SERINC5: variants seen among roughly 807,000 people sequenced by gnomAD.
SERINC5 encodes the protein chromosome 5 open reading frame 12.
In SERINC5, 41 loss-of-function variants were observed where a neutral mutation model predicts 63.1. The observed-to-expected ratio is 0.65, with a 90% CI of 0.51 to 0.84. SERINC5 has a LOEUF of 0.84. Ranked by LOEUF, SERINC5 falls within the 40% of genes least tolerant of loss-of-function variation. The pLI, the probability that SERINC5 is intolerant of heterozygous loss-of-function variation, is 0.00. For missense variants in SERINC5, 523 were observed against 573.0 expected (o/e 0.91, Z 0.89); for synonymous variants, 222 against 215.2 (o/e 1.03, Z -0.28).
At chr5:80,205,483 T>G (rs1750110798) in intron 1 of SERINC5, among the ~76,000 whole-genome samples, 1 of 152,184 alleles carries the variant, frequency 6.6e-6, no homozygotes, top group South Asian at 2.1e-4. Flanking sequence ...AATGAGAGTA[T>G]GTAACTTGAA....
At chr5:80,158,272 A>AC (rs1260577181) in intron 8 of SERINC5, 1 of 152,774 alleles carries the variant, frequency 6.5e-6, no homozygotes, top group African/African-American at 2.4e-5. Context: ...CTCATATATC[A>AC]CATCTACTTT....
chr5:80,228,217 A>G (rs1045360583), intron 1 of SERINC5, among the ~76,000 whole-genome samples: 2 of 130,258 alleles, frequency 1.5e-5, no homozygotes, highest in Admixed American at 8.1e-5. Flanking sequence ...CCTGGGCAGC[A>G]GAGTGAGTGA....
intron 11 of SERINC5, among the ~76,000 whole-genome samples, chr5:80,130,914 A>C (rs1330997036): frequency 6.6e-6 from 1 of 152,242 alleles, no homozygotes; most frequent in Admixed American, 6.5e-5. Flanking sequence ...AGACAAACTG[A>C]AAAGGTAAGA....
intron 1 of SERINC5, among the ~76,000 whole-genome samples, chr5:80,209,380 G>A (rs933498804): frequency 3.9e-5 from 6 of 152,156 alleles, no homozygotes; most frequent in African/African-American, 7.2e-5. Context: ...ACAACAACAC[G>A]GTGGCCATGT....
chr5:80,130,179 A>G (rs992350225), intron 11 of SERINC5, among the ~76,000 whole-genome samples: 2 of 152,118 alleles, frequency 1.3e-5, no homozygotes, highest in Non-Finnish European at 2.9e-5. Context: ...CAGGAGTTCA[A>G]GACCAGCCTG....
intron 11 of SERINC5, among the ~76,000 whole-genome samples, chr5:80,116,704 T>A (rs947795572): frequency 5.3e-5 from 8 of 152,016 alleles, no homozygotes; most frequent in African/African-American, 1.9e-4. Context: ...TTAACAAACA[T>A]CCACAGAGGC....
chr5:80,181,711 G>A lies in SERINC5; in HGVS notation c.196-3647C>T, dbSNP rs116152050. 7.9e-3 allele frequency among the ~76,000 whole-genome samples: 1,202 copies of A among 152,104 alleles called. 18 individuals are homozygous for A. Among genetic ancestry groups the A allele is most frequent in the African/African-American group, 0.027 (1,127 of 41,488 alleles). ...GAGACAAGATGTTTTGCTTGATAAA[G>A]ACTGCATCCAACCAGATAAGTAGAT... On this transcript the variant is annotated intron_variant, in intron 2 of 11. Transcript: ENST00000507668.
In SERINC5 at chr5:80,166,437, A is replaced by T. The variant is rs528136251; in HGVS notation, c.805T>A (p.Cys269Ser). The T allele has an allele frequency of 6.3e-7, 1 of 1,596,642 alleles. No homozygotes were observed. Among genetic ancestry groups the T allele is most frequent in the Non-Finnish European group, 8.5e-7 (1 of 1,171,466 alleles). The change falls in exon 7 of 12, where the codon TGC (cysteine) becomes AGC (serine). Residue 269 changes from cysteine to serine, a missense_variant. By Grantham distance (112) the Cys-to-Ser change is moderately radical. Transcript: ENST00000507668. ...SGLLQSGVIS[C>S]YVTYLTFSAL... ...GAGAAGGTGAGGTAGGTGACATAGC[A>T]GCTTATGACCCCTGATTGTAAGAGC...
At chr5:80,197,632 C>T (rs1749594255) in intron 2 of SERINC5, among the ~76,000 whole-genome samples, 1 of 152,114 alleles carries the variant, frequency 6.6e-6, no homozygotes, top group African/African-American at 2.4e-5. Context: ...GGTCACCCAT[C>T]CTTCCTTCTT....
chr5:80,146,498 G>T (rs1745834639), intron 10 of SERINC5, among the ~76,000 whole-genome samples: 1 of 152,076 alleles, frequency 6.6e-6, no homozygotes. Context: ...TTTTGCCCCG[G>T]CTGGAGTACA....
At chr5:80,192,286 G>A (rs1423464677) in intron 2 of SERINC5, among the ~76,000 whole-genome samples, 1 of 152,234 alleles carries the variant, frequency 6.6e-6, no homozygotes, top group East Asian at 1.9e-4. Context: ...TACAAATCAA[G>A]AGCCAAAAGA....
chr5:80,146,959 T>G (rs760168144), intron 10 of SERINC5, among the ~76,000 whole-genome samples: 1 of 152,142 alleles, frequency 6.6e-6, no homozygotes, highest in Non-Finnish European at 1.5e-5. Context: ...TCCAAATCAC[T>G]CCTTTTTAAA....
rs200755222 is a variant in SERINC5, at chr5:80,205,913, T to TACAAA, written c.28-2865_28-2861dup. ...ATGGTGAAACCTCGTCTCTACTAAA[T>TACAAA]ACAAAACAAAACAAAACAAAACAAA... On this transcript the variant is annotated intron_variant, in intron 1 of 11. Coordinates refer to ENST00000507668, the MANE Select transcript of SERINC5 (RefSeq NM_001174072.3). 8.4e-3 allele frequency among the ~76,000 whole-genome samples: 999 copies of TACAAA among 119,082 alleles called. 14 individuals carry two copies. The highest frequency in any genetic ancestry group is 0.027 in the African/African-American group (822 of 30,852). 78.1% of individuals were successfully genotyped at this position (119,082 alleles called of 152,430 possible).
At chr5:80,155,152 A>G (rs1214311181) in intron 8 of SERINC5, among the ~76,000 whole-genome samples, 1 of 152,242 alleles carries the variant, frequency 6.6e-6, no homozygotes, top group African/African-American at 2.4e-5. Flanking sequence ...AGGCAACAGA[A>G]TAACAATTTC....
rs540292013 is a variant in SERINC5, at chr5:80,232,170, C to G, written c.27+23726G>C. On this transcript the variant is annotated intron_variant, in intron 1 of 11. Transcript: ENST00000507668. ...CTGTAATCCCAGCATTTTGGGAGGCCAAGGCGGGCAGATCACGAGGTCAGG... is the reference window on the plus strand; with the variant it reads ...CTGTAATCCCAGCATTTTGGGAGGCGAAGGCGGGCAGATCACGAGGTCAGG... Among the ~76,000 whole-genome samples, 5 of 150,018 alleles carry G rather than the reference C, an allele frequency of 3.3e-5. No homozygotes were observed. In the East Asian group the frequency reaches 7.8e-4, roughly 23 times the overall value.
chr5:80,255,932 C>T lies in SERINC5; in HGVS notation c.-10G>A. 5 of 1,552,090 alleles carry T rather than the reference C, an allele frequency of 3.2e-6. No homozygotes were observed. The highest frequency in any genetic ancestry group is 1.9e-5 in the Admixed American group (1 of 53,662). On this transcript the variant is annotated 5_prime_UTR_variant, in exon 1 of 12. Coordinates refer to ENST00000507668, the MANE Select transcript of SERINC5 (RefSeq NM_001174072.3). The stretch of plus-strand genomic sequence containing the variant: ...AGCACTGAGCTGACATCGCGGCGGC[C>T]AATGCCGAAGGCGCGCTCGCTGGCT...
At chr5:80,163,197 T>C (rs1747057308) in intron 7 of SERINC5, among the ~76,000 whole-genome samples, 1 of 152,078 alleles carries the variant, frequency 6.6e-6, no homozygotes, top group South Asian at 2.1e-4. Flanking sequence ...TATACTGCAA[T>C]ATTACTGAAT....
chr5:80,247,530 C>A (rs974381637), intron 1 of SERINC5, among the ~76,000 whole-genome samples: 2 of 152,180 alleles, frequency 1.3e-5, no homozygotes, highest in African/African-American at 4.8e-5. Flanking sequence ...GTCAGCTGGA[C>A]AGGTCAGCTA....
intron 1 of SERINC5, among the ~76,000 whole-genome samples, chr5:80,243,156 G>C (rs1752022479): frequency 6.6e-6 from 1 of 152,104 alleles, no homozygotes; most frequent in African/African-American, 2.4e-5. Context: ...AGAGTCCCAG[G>C]GGGTGGCCCC....
Sources: allele counts gnomAD v4.1 joint callset (sites outside exome capture counted in the v4.1 genomes callset), GRCh38; gene constraint gnomAD v4.1.1; transcripts MANE v1.5; gene names NCBI Gene and HGNC (gene_info 2026-07-23, HGNC 2026-07-21).